The following DNAJC24 variants were observed in gnomAD, a reference collection of about 807,000 sequenced individuals.
The protein encoded by DNAJC24 is dnaJ homolog subfamily C member 24.
A neutral mutation model predicts 18.0 loss-of-function variants in DNAJC24; 17 were observed. The observed-to-expected ratio is 0.94, with a 90% CI of 0.65 to 1.42. The LOEUF is 1.42. DNAJC24 is among the 40% of genes most tolerant of loss of function. DNAJC24 has a pLI of 0.00. For missense variants in DNAJC24, 158 were observed against 175.6 expected (o/e 0.90, Z 0.57); for synonymous variants, 55 against 57.7 (o/e 0.95, Z 0.21).
chr11:31,402,849 G>A (rs1393994601), intron 2 of DNAJC24, among the ~76,000 whole-genome samples: 1 of 151,846 alleles, frequency 6.6e-6, no homozygotes. Flanking sequence ...GTTTACAACA[G>A]CATTTCTACA....
intron 2 of DNAJC24, chr11:31,396,330 A>AT (rs1952542424): frequency 2.2e-6 from 1 of 452,204 alleles, no homozygotes; most frequent in East Asian, 7.0e-5. Flanking sequence ...TCTGAGTTTT[A>AT]TTTGACCCTC....
At position 31,381,751 on chromosome 11, in the gene DNAJC24, T is replaced by C. The variant is rs914027905; in HGVS notation, c.111+10892T>C. On this transcript the variant is annotated intron_variant, in intron 2 of 4. Coordinates refer to ENST00000465995, the MANE Select transcript of DNAJC24 (RefSeq NM_181706.5). ...CCACCATGCCTGGCTAAGTTTTGTA[T>C]TTTTTAGTAGAGACGGGGTTTCACC... 2.0e-5 allele frequency among the ~76,000 whole-genome samples: 3 copies of C among 151,896 alleles called. No individual in the cohort carries two copies. The East Asian group carries it at 5.8e-4, about 29-fold the overall frequency.
At position 31,432,487 on chromosome 11, in the gene DNAJC24, G is replaced by T. The variant is rs544532938; in HGVS notation, c.*2086G>T. 3 of 1,596,280 alleles carry T rather than the reference G, an allele frequency of 1.9e-6. No homozygotes were observed. Among genetic ancestry groups the T allele is most frequent in the African/African-American group, 1.3e-5 (1 of 74,642 alleles). On this transcript the variant is annotated 3_prime_UTR_variant, in exon 5 of 5. Transcript: ENST00000465995. ...AAAGGAGACAATAATCAAGTCAAAA[G>T]AATAAATGCTTACTAATCATCAGAA...
chr11:31,427,521 T>C (rs1030502550), intron 4 of DNAJC24: 2 of 152,100 alleles, frequency 1.3e-5, no homozygotes, highest in Non-Finnish European at 2.9e-5. Flanking sequence ...ATGTCATTTA[T>C]CAGGAAGACT....
chr11:31,396,959 G>A (rs1313679318), intron 2 of DNAJC24, among the ~76,000 whole-genome samples: 1 of 151,906 alleles, frequency 6.6e-6, no homozygotes, highest in Non-Finnish European at 1.5e-5. Context: ...CCTCTCCCTG[G>A]AATACCTTTC....
intron 2 of DNAJC24, among the ~76,000 whole-genome samples, chr11:31,401,431 C>T (rs1220133046): frequency 6.6e-6 from 1 of 152,022 alleles, no homozygotes; most frequent in Non-Finnish European, 1.5e-5. Flanking sequence ...TCCTCCTCCT[C>T]TTCTGTTTTC....
At chr11:31,413,679 C>T (rs1475224826) in intron 2 of DNAJC24, among the ~76,000 whole-genome samples, 1 of 152,080 alleles carries the variant, frequency 6.6e-6, no homozygotes, top group Non-Finnish European at 1.5e-5. Flanking sequence ...GTGAGCTTCT[C>T]CACACTGCTA....
In DNAJC24 at chr11:31,369,887, GGGT is replaced by G. The variant is rs1952188840; in HGVS notation, c.-58_-56del. 6.6e-6 allele frequency: 1 copy of G among 152,652 alleles called. No individual in the cohort carries two copies. The highest frequency in any genetic ancestry group is 2.1e-4 in the South Asian group (1 of 4,820). The allele number at this position is 152,652 out of a possible 1,614,324, so 9.5% of individuals were successfully genotyped here. On this transcript the variant is annotated 5_prime_UTR_variant, in exon 1 of 5. Transcript: ENST00000465995. ...TTCTGGCCGACAGCAGGCGAGGAGT[GGGT>G]AGCAGCGCCTATGTGAAGTTAGGTA...
intron 2 of DNAJC24, among the ~76,000 whole-genome samples, chr11:31,390,774 G>A (rs181192383): frequency 8.0e-5 from 12 of 149,372 alleles, no homozygotes; most frequent in African/African-American, 2.0e-4. Flanking sequence ...ATTCACTGCC[G>A]AATTCTACCA....
chr11:31,425,782 A>G (rs527869423), intron 3 of DNAJC24, among the ~76,000 whole-genome samples: 122 of 152,204 alleles, frequency 8.0e-4, no homozygotes, highest in Non-Finnish European at 1.4e-3. Context: ...GTCAACAGCA[A>G]CCCTCCTGAA....
At chr11:31,409,376 G>T (rs1458769883) in intron 2 of DNAJC24, among the ~76,000 whole-genome samples, 1 of 152,140 alleles carries the variant, frequency 6.6e-6, no homozygotes, top group Non-Finnish European at 1.5e-5. Flanking sequence ...CCTCCAGCAA[G>T]TTCCCTCATG....
intron 2 of DNAJC24, among the ~76,000 whole-genome samples, chr11:31,398,907 T>C (rs1465347935): frequency 6.6e-6 from 1 of 152,080 alleles, no homozygotes; most frequent in South Asian, 2.1e-4. Context: ...CTTAATTGTA[T>C]AAAAAAACAT....
chr11:31,370,262 A>T (rs1952204005), intron 1 of DNAJC24, among the ~76,000 whole-genome samples: 1 of 152,136 alleles, frequency 6.6e-6, no homozygotes, highest in Admixed American at 6.5e-5. Flanking sequence ...GCAAACGAGA[A>T]ACTTTCAGAA....
intron 3 of DNAJC24, 177 bp downstream of exon 3, chr11:31,415,126 A>G (rs984457774): frequency 3.4e-6 from 2 of 596,620 alleles, no homozygotes; most frequent in Non-Finnish European, 5.3e-6. Flanking sequence ...TTGTGTATCC[A>G]TTGAGAAGTT....
rs189577751 is a variant in DNAJC24, at chr11:31,423,512, C to T, written c.251-2775C>T. On this transcript the variant is annotated intron_variant, in intron 3 of 4. Transcript: ENST00000465995. ...CTGACCTCAGGTGATCCACCCGCCT[C>T]GGCCTCCCAGAGTGCTGGGATTACA... is the stretch of plus-strand genomic sequence containing the variant. Among the ~76,000 whole-genome samples the T allele has an allele frequency of 9.8e-5, 15 of 152,286 alleles. No individual in the cohort carries two copies. The South Asian group carries it at 1.0e-3, about 11-fold the overall frequency.
At chr11:31,384,562 T>TATAGAA (rs1162592584) in intron 2 of DNAJC24, 1 of 152,276 alleles carries the variant, frequency 6.6e-6, no homozygotes, top group Non-Finnish European at 1.5e-5. Context: ...TGAGTTGCAG[T>TATAGAA]ACGGTTCTCC....
At chr11:31,426,507 T>G in intron 4 of DNAJC24, 152 bp downstream of exon 4, 1 of 491,702 alleles carries the variant, frequency 2.0e-6, no homozygotes. Context: ...GGAGTATTTC[T>G]GCTTAATTCT....
intron 2 of DNAJC24, among the ~76,000 whole-genome samples, chr11:31,404,619 A>G (rs1952636538): frequency 6.6e-6 from 1 of 152,210 alleles, no homozygotes; most frequent in Non-Finnish European, 1.5e-5. Context: ...ATTTCACAAC[A>G]GATGTCTGAA....
At chr11:31,427,980 T>G (rs1446919630) in intron 4 of DNAJC24, 1 of 148,756 alleles carries the variant, frequency 6.7e-6, no homozygotes, top group African/African-American at 2.5e-5. Context: ...AAAAAAAAAT[T>G]TAAAAAAAAA....
Sources: gnomAD v4.1 joint callset for allele counts (sites outside exome capture counted in the v4.1 genomes callset) on GRCh38, gnomAD v4.1.1 for gene constraint, MANE v1.5 for transcripts, NCBI Gene and HGNC (gene_info 2026-07-23, HGNC 2026-07-21) for gene names.